The following DCC variants were observed in gnomAD, a reference collection of about 807,000 sequenced individuals.
DCC encodes the protein DCC netrin 1 receptor.
In DCC, 58 loss-of-function variants were observed where a neutral mutation model predicts 172.5. That is an observed-to-expected ratio of 0.34 (90% CI 0.27 to 0.42). The LOEUF (loss-of-function observed/expected upper bound fraction) is 0.42, where lower values mean the gene tolerates loss of function less well. DCC is among the 10% of genes least tolerant of loss of function. The pLI is 1.00. For missense variants in DCC, 1,740 were observed against 1,791.0 expected, an observed-to-expected ratio of 0.97 and a Z score of 0.51; for synonymous variants, 709 against 644.5, an observed-to-expected ratio of 1.10 and a Z score of -1.52.
chr18:53,176,119 A>G (rs1205051906), intron 8 of DCC, among the ~76,000 whole-genome samples: 5 of 142,136 alleles, frequency 3.5e-5, no homozygotes, highest in African/African-American at 1.3e-4. Flanking sequence ...AAAACTGGCT[A>G]GCCATATGTA....
At chr18:53,313,021 G>GAAGGGAGGAAGGAGGA (rs2057297664) in intron 13 of DCC, among the ~76,000 whole-genome samples, 1 of 71,384 alleles carries the variant, frequency 1.4e-5, no homozygotes, top group Non-Finnish European at 2.9e-5. Flanking sequence ...AGGAAGAAAG[G>GAAGGGAGGAAGGAGGA]AAGGGAAGAA....
chr18:53,351,635 C>G (rs1041663183), intron 15 of DCC, among the ~76,000 whole-genome samples: 1 of 150,136 alleles, frequency 6.7e-6, no homozygotes, highest in African/African-American at 2.4e-5. Flanking sequence ...ATTTGTAAAA[C>G]AAACCGGTGA....
intron 27 of DCC, among the ~76,000 whole-genome samples, chr18:53,512,897 A>G (rs969143385): frequency 2.2e-4 from 33 of 152,318 alleles, no homozygotes; most frequent in Non-Finnish European, 2.8e-4. Flanking sequence ...GCAGGATATT[A>G]TCCAGGAGAA....
In DCC at chr18:52,442,066, TG is replaced by T. The variant is rs200257317; in HGVS notation, c.91+101189del. On this transcript the variant is annotated intron_variant, in intron 1 of 28. Transcript: ENST00000442544. ...GCATTATTAGAGCTTGGTATTATAC[TG>T]TCCTTTAGGTGATGGAGAAGGAATG... Among the ~76,000 whole-genome samples the T allele has an allele frequency of 3.1e-4, 47 of 152,322 alleles. 1 individual carries two copies. In the East Asian group the frequency reaches 7.5e-3, roughly 24 times the overall value.
At chr18:52,947,175 ATAAT>A (rs1256544211) in intron 5 of DCC, among the ~76,000 whole-genome samples, 2 of 152,218 alleles carry the variant, frequency 1.3e-5, no homozygotes, top group East Asian at 3.8e-4. Flanking sequence ...TTATTAATAT[ATAAT>A]TAAGCTATCC....
At chr18:52,521,819 T>C (rs1303301577) in intron 1 of DCC, among the ~76,000 whole-genome samples, 1 of 152,206 alleles carries the variant, frequency 6.6e-6, no homozygotes, top group Non-Finnish European at 1.5e-5. Flanking sequence ...AAACTTCATA[T>C]TGATTAGTAG....
intron 2 of DCC, among the ~76,000 whole-genome samples, chr18:52,870,050 C>T (rs1426967535): frequency 1.3e-5 from 2 of 152,058 alleles, no homozygotes; most frequent in African/African-American, 4.8e-5. Context: ...CCACACTGTT[C>T]CCCTGCCAGT....
intron 1 of DCC, among the ~76,000 whole-genome samples, chr18:52,503,897 G>T (rs1395135935): frequency 1.3e-5 from 2 of 152,068 alleles, no homozygotes; most frequent in Non-Finnish European, 2.9e-5. Flanking sequence ...TCCTACACAG[G>T]TGACTCTACT....
chr18:52,422,092 A>G (rs1987268268), intron 1 of DCC, among the ~76,000 whole-genome samples: 1 of 152,202 alleles, frequency 6.6e-6, no homozygotes, highest in Admixed American at 6.5e-5. Context: ...CAACATGTAG[A>G]TAAAATATTT....
intron 12 of DCC, among the ~76,000 whole-genome samples, chr18:53,281,058 G>GTCTTTT (rs2056865122): frequency 6.6e-6 from 1 of 151,992 alleles, no homozygotes; most frequent in Non-Finnish European, 1.5e-5. Context: ...GAATAAGTAG[G>GTCTTTT]GGTTATTTTG....
At chr18:52,761,453 A>G (rs1434415028) in intron 2 of DCC, among the ~76,000 whole-genome samples, 1 of 152,198 alleles carries the variant, frequency 6.6e-6, no homozygotes, top group Non-Finnish European at 1.5e-5. Context: ...AGCCATTTGG[A>G]TTCATGAAAG....
chr18:53,353,538 A>C (rs1254475383), intron 15 of DCC, among the ~76,000 whole-genome samples: 1 of 151,388 alleles, frequency 6.6e-6, no homozygotes, highest in Non-Finnish European at 1.5e-5. Context: ...ATTTTTTTTT[A>C]CATCTTGAAG....
intron 2 of DCC, among the ~76,000 whole-genome samples, chr18:52,808,538 G>A (rs1453165296): frequency 6.6e-6 from 1 of 151,558 alleles, no homozygotes; most frequent in African/African-American, 2.4e-5. Context: ...TGTTAGAAAA[G>A]AAAAAATAAA....
At position 52,894,950 on chromosome 18, in the gene DCC, C is replaced by T. The variant is rs536309998; in HGVS notation, c.413-11094C>T. ...TTTGGCCAAAAGGCTGGGTGCCCCA[C>T]GGCCCAGTCAAGGTGACACGTAGAA... On this transcript the variant is annotated intron_variant, in intron 2 of 28. Coordinates refer to ENST00000442544, the MANE Select transcript of DCC (RefSeq NM_005215.4). Among the ~76,000 whole-genome samples the T allele has an allele frequency of 7.7e-4, 118 of 152,294 alleles. 1 individual carries two copies. Among genetic ancestry groups the T allele is most frequent in the Admixed American group, 2.4e-3 (36 of 15,296 alleles).
intron 25 of DCC, among the ~76,000 whole-genome samples, chr18:53,468,291 A>T (rs2036414): frequency 6.7e-6 from 1 of 150,044 alleles, no homozygotes; most frequent in African/African-American, 2.4e-5. Context: ...AAGAGCTGAT[A>T]TATATTTTAA....
intron 1 of DCC, among the ~76,000 whole-genome samples, chr18:52,384,817 C>T (rs1170333160): frequency 6.6e-6 from 1 of 152,118 alleles, no homozygotes; most frequent in Non-Finnish European, 1.5e-5. Flanking sequence ...TACTTCACTG[C>T]ATTCATATTT....
intron 27 of DCC, among the ~76,000 whole-genome samples, chr18:53,502,048 AT>A (rs1307146883): frequency 1.3e-5 from 2 of 152,124 alleles, no homozygotes; most frequent in Non-Finnish European, 2.9e-5. Context: ...CCAAAGAACC[AT>A]TCTCTGATCT....
At chr18:53,523,901 A>G (rs1361088234) in intron 27 of DCC, among the ~76,000 whole-genome samples, 1 of 152,144 alleles carries the variant, frequency 6.6e-6, no homozygotes, top group Non-Finnish European at 1.5e-5. Context: ...TTAAAGTATA[A>G]GAAAAAAAGA....
chr18:53,027,270 C>T (rs1221210042), intron 5 of DCC, among the ~76,000 whole-genome samples: 1 of 152,016 alleles, frequency 6.6e-6, no homozygotes, highest in Non-Finnish European at 1.5e-5. Flanking sequence ...GAGTAAAATC[C>T]ACTGTTTATG....
Sources: gnomAD v4.1 joint callset for allele counts (sites outside exome capture counted in the v4.1 genomes callset) on GRCh38, gnomAD v4.1.1 for gene constraint, MANE v1.5 for transcripts, NCBI Gene and HGNC (gene_info 2026-07-23, HGNC 2026-07-21) for gene names.